FAAH2: variants seen among roughly 807,000 people sequenced by gnomAD.
FAAH2 encodes the protein fatty acid amide hydrolase 2.
A neutral mutation model predicts 36.9 loss-of-function variants in FAAH2; 60 were observed. The ratio of observed to expected loss-of-function variants is 1.63; its 90% CI spans 1.32 to 2.02. The LOEUF is 2.02. FAAH2 is among the 30% of genes most tolerant of loss of function. The pLI is 0.00. For synonymous variants in FAAH2, 214 were observed against 143.8 expected, an observed-to-expected ratio of 1.49 and a Z score of -3.49; for missense variants, 689 against 397.5, an observed-to-expected ratio of 1.73 and a Z score of -6.23.
intron 7 of FAAH2, among the ~76,000 whole-genome samples, chrX:57,429,060 G>A (rs1375609732): frequency 1.8e-5 from 2 of 111,831 alleles, no homozygotes; most frequent in Admixed American, 9.5e-5. Flanking sequence ...CCAAGGCCAG[G>A]TGCAGTGGCT....
chrX:57,466,154 C>CTATATA lies in FAAH2; in HGVS notation c.1423+17437_1423+17438insATATAT, dbSNP rs1371319859. 6.1e-3 allele frequency among the ~76,000 whole-genome samples: 411 copies of CTATATA among 66,857 alleles called. 1 individual carries two copies. Among genetic ancestry groups the CTATATA allele is most frequent in the African/African-American group, 0.019 (313 of 16,632 alleles). The allele number at this position is 66,857 out of a possible 115,157, so 58.1% of individuals were successfully genotyped here. A position where few individuals can be genotyped will look rare whatever the true frequency, so the allele number is the denominator to read the frequency against. On this transcript the variant is annotated intron_variant, in intron 10 of 10. Transcript: ENST00000374900. ...TCTCTCTCTCTCTCTCTCTCTCTCT[C>CTATATA]TCTATATATATATATATATATATAT...
At chrX:57,163,732 C>T in the FAAH2 span, among the ~76,000 whole-genome samples, 142 of 112,179 alleles carry the variant, frequency 1.3e-3, no homozygotes, top group African/African-American at 4.3e-3. Flanking sequence ...GCACACGATG[C>T]GTGCACCCAC....
At chrX:57,334,299 A>ACACACACACACACAC (rs1569269197) in intron 4 of FAAH2, among the ~76,000 whole-genome samples, 1 of 14,309 alleles carries the variant, frequency 7.0e-5, no homozygotes, top group South Asian at 4.1e-3. Context: ...CACACACACA[A>ACACACACACACACAC]AGATGGGAGT....
At chrX:57,306,649 C>A (rs1339785021) in intron 2 of FAAH2, among the ~76,000 whole-genome samples, 1 of 102,420 alleles carries the variant, frequency 9.8e-6, no homozygotes, top group Non-Finnish European at 2.0e-5. Flanking sequence ...TTATTTGTTT[C>A]ACTTGGCTCA....
intron 7 of FAAH2, chrX:57,381,614 C>G (rs752609739): frequency 2.0e-6 from 1 of 495,974 alleles, no homozygotes; most frequent in Non-Finnish European, 2.5e-6. Context: ...ATCAATTCAA[C>G]AAGAAGAGCT....
At chrX:57,446,185 G>A (rs1237644594) in intron 8 of FAAH2, among the ~76,000 whole-genome samples, 3 of 112,406 alleles carry the variant, frequency 2.7e-5, no homozygotes, top group African/African-American at 9.7e-5. Flanking sequence ...GGTGCTGATG[G>A]ACAATGAGGG....
At chrX:57,468,186 G>A (rs1394335814) in intron 10 of FAAH2, among the ~76,000 whole-genome samples, 1 of 111,647 alleles carries the variant, frequency 9.0e-6, no homozygotes, top group Non-Finnish European at 1.9e-5. Flanking sequence ...AAAAATCAGA[G>A]CACCTCTCCC....
At chrX:57,161,881 G>A in the FAAH2 span, among the ~76,000 whole-genome samples, 3 of 111,284 alleles carry the variant, frequency 2.7e-5, no homozygotes, top group Admixed American at 1.9e-4. Flanking sequence ...ATATTGTTAC[G>A]TGTGAATTTG....
At chrX:57,447,168 C>G (rs1054076081) in intron 9 of FAAH2, 129 bp downstream of exon 9, 1 of 421,245 alleles carries the variant, frequency 2.4e-6, no homozygotes, top group Admixed American at 4.5e-5. Context: ...TCTTAACGCT[C>G]CAAAATGATC....
At chrX:57,270,504 A>G in the FAAH2 span, among the ~76,000 whole-genome samples, 1 of 112,288 alleles carries the variant, frequency 8.9e-6, no homozygotes, top group South Asian at 3.7e-4. Context: ...CAGCACATTG[A>G]AAAGCTTATT....
At chrX:57,304,351 T>G (rs1346923036) in intron 2 of FAAH2, among the ~76,000 whole-genome samples, 2 of 112,306 alleles carry the variant, frequency 1.8e-5, no homozygotes, top group Non-Finnish European at 3.8e-5. Flanking sequence ...CACAAACCAG[T>G]AAGTCTTTTG....
the FAAH2 span, among the ~76,000 whole-genome samples, chrX:57,143,667 G>A: frequency 9.1e-6 from 1 of 110,404 alleles, no homozygotes; most frequent in Non-Finnish European, 1.9e-5. Flanking sequence ...TGGTAGACAG[G>A]GGGTTTCTCC....
At chrX:57,157,532 T>G in the FAAH2 span, among the ~76,000 whole-genome samples, 2 of 111,630 alleles carry the variant, frequency 1.8e-5, no homozygotes, top group African/African-American at 6.5e-5. Flanking sequence ...ATCTCCACAC[T>G]GACTGCACTC....
the FAAH2 span, among the ~76,000 whole-genome samples, chrX:57,208,011 C>T: frequency 1.4e-4 from 16 of 112,710 alleles, 1 homozygote; most frequent in South Asian, 4.4e-3. Flanking sequence ...TAATATTTCC[C>T]TGTTGATCTG....
the FAAH2 span, among the ~76,000 whole-genome samples, chrX:57,226,303 G>A: frequency 8.9e-6 from 1 of 111,993 alleles, no homozygotes; most frequent in Non-Finnish European, 1.9e-5. Flanking sequence ...TGTGTTTCAT[G>A]ATTTAGAGCT....
chrX:57,352,150 A>G (rs758610612), intron 5 of FAAH2, among the ~76,000 whole-genome samples: 24 of 77,794 alleles, frequency 3.1e-4, no homozygotes, highest in African/African-American at 1.1e-3. Context: ...ATATATATGC[A>G]CATATATATA....
chrX:57,384,064 G>T (rs2054937332), intron 7 of FAAH2, among the ~76,000 whole-genome samples: 1 of 111,633 alleles, frequency 9.0e-6, no homozygotes, highest in Admixed American at 9.5e-5. Flanking sequence ...ACAAAAACAA[G>T]AAATGGGGAA....
the FAAH2 span, among the ~76,000 whole-genome samples, chrX:57,188,480 C>T: frequency 9.1e-6 from 1 of 109,399 alleles, no homozygotes; most frequent in Non-Finnish European, 1.9e-5. Context: ...GGCTAGTGGT[C>T]TATTTTGTTA....
chrX:57,204,166 A>C, the FAAH2 span, among the ~76,000 whole-genome samples: 7,499 of 110,880 alleles, frequency 0.068, 632 homozygotes, highest in African/African-American at 0.24. Flanking sequence ...CTGCAATGCA[A>C]TCTTCCCAAA....
Sources: gnomAD v4.1 joint callset for allele counts (sites outside exome capture counted in the v4.1 genomes callset) on GRCh38, gnomAD v4.1.1 for gene constraint, MANE v1.5 for transcripts, NCBI Gene and HGNC (gene_info 2026-07-23, HGNC 2026-07-21) for gene names.